The following RBM47 variants were observed in gnomAD, a reference collection of about 807,000 sequenced individuals.
RBM47 encodes RNA binding motif protein 47.
A neutral mutation model predicts 47.1 loss-of-function variants in RBM47; 21 were observed. The ratio of observed to expected loss-of-function variants is 0.45; its 90% CI spans 0.32 to 0.64. The LOEUF is 0.64. Among genes scored for constraint, RBM47 ranks in the 30% least tolerant of loss-of-function variants. RBM47 has a pLI of 0.05. For missense variants in RBM47, 708 were observed against 870.9 expected (o/e 0.81, Z 2.35); for synonymous variants, 375 against 361.7 (o/e 1.04, Z -0.42).
chr4:40,439,339 CTTCTT>C (rs1278498771), intron 3 of RBM47, among the ~76,000 whole-genome samples: 2 of 152,262 alleles, frequency 1.3e-5, no homozygotes, highest in African/African-American at 4.8e-5. Flanking sequence ...ACACAGCTTT[CTTCTT>C]TTCTTTTTTA....
intron 2 of RBM47, among the ~76,000 whole-genome samples, chr4:40,501,114 A>T (rs1361712021): frequency 6.6e-6 from 1 of 152,210 alleles, no homozygotes; most frequent in African/African-American, 2.4e-5. Context: ...TCAGAGTCCA[A>T]ATGCTGCATA....
At chr4:40,459,735 C>A (rs530111135) in intron 3 of RBM47, among the ~76,000 whole-genome samples, 117 of 152,154 alleles carry the variant, frequency 7.7e-4, no homozygotes, top group Non-Finnish European at 1.5e-3. Context: ...GTTGGCATTT[C>A]TTTCTTTCTT....
intron 2 of RBM47, among the ~76,000 whole-genome samples, chr4:40,499,229 C>T (rs1368772155): frequency 6.6e-6 from 1 of 152,102 alleles, no homozygotes; most frequent in Non-Finnish European, 1.5e-5. Context: ...TTAGTACATA[C>T]TTACATGAAG....
chr4:40,423,696 CTTT>C lies in RBM47; in HGVS notation c.*2205_*2207del, dbSNP rs1560337213. 6.3e-5 allele frequency: 6 copies of C among 94,822 alleles called. No individual in the cohort carries two copies. The highest frequency in any genetic ancestry group is 1.1e-4 in the African/African-American group (2 of 17,454). 5.9% of individuals were successfully genotyped at this position (94,822 alleles called of 1,614,324 possible). On this transcript the variant is annotated 3_prime_UTR_variant, in exon 7 of 7. Transcript: ENST00000295971. ...TCTTTCTTTCTTTCTTTCTTTCTTTCTTTCTTTCTTTCTTTCTTTTCTTTCTTT... is the reference window on the plus strand; with the variant it reads ...TCTTTCTTTCTTTCTTTCTTTCTTTCCTTTCTTTCTTTCTTTTCTTTCTTT...
intron 1 of RBM47, among the ~76,000 whole-genome samples, chr4:40,604,453 C>T (rs1351577523): frequency 6.6e-6 from 1 of 152,020 alleles, no homozygotes; most frequent in African/African-American, 2.4e-5. Flanking sequence ...AGCAAAACTC[C>T]ATGTCTAAAA....
chr4:40,592,328 C>T (rs1231489760), intron 1 of RBM47, among the ~76,000 whole-genome samples: 2 of 150,774 alleles, frequency 1.3e-5, no homozygotes, highest in African/African-American at 4.9e-5. Context: ...AATCACAGCT[C>T]ACTGCAGCCT....
intron 1 of RBM47, among the ~76,000 whole-genome samples, chr4:40,589,309 C>T (rs1733904761): frequency 6.6e-6 from 1 of 152,166 alleles, no homozygotes; most frequent in Non-Finnish European, 1.5e-5. Context: ...TCTAAACTTA[C>T]TGTGTAAAAT....
intron 6 of RBM47, among the ~76,000 whole-genome samples, chr4:40,429,758 C>T (rs1163292963): frequency 6.6e-6 from 1 of 150,608 alleles, no homozygotes; most frequent in Admixed American, 6.6e-5. Flanking sequence ...AGTCTTCCCT[C>T]CTGTCAAGGA....
At chr4:40,509,498 T>C (rs575842894) in intron 2 of RBM47, among the ~76,000 whole-genome samples, 82 of 152,216 alleles carry the variant, frequency 5.4e-4, no homozygotes, top group Non-Finnish European at 1.1e-3. Context: ...ACAGTTTGGG[T>C]GGTCTAGGTG....
chr4:40,487,616 CCAGA>C (rs1163586978), intron 2 of RBM47, among the ~76,000 whole-genome samples: 1 of 152,072 alleles, frequency 6.6e-6, no homozygotes, highest in Non-Finnish European at 1.5e-5. Context: ...TTATCAAAAA[CCAGA>C]CAGTCAACTA....
At chr4:40,594,225 C>T (rs538755639) in intron 1 of RBM47, among the ~76,000 whole-genome samples, 1 of 152,204 alleles carries the variant, frequency 6.6e-6, no homozygotes, top group East Asian at 1.9e-4. Flanking sequence ...CTGCTATGGT[C>T]AGGAATATTT....
chr4:40,580,620 C>T (rs748746223), intron 1 of RBM47, among the ~76,000 whole-genome samples: 1 of 152,200 alleles, frequency 6.6e-6, no homozygotes, highest in Non-Finnish European at 1.5e-5. Context: ...CACTGGCAGC[C>T]GCAGCCACCC....
At position 40,525,264 on chromosome 4, in the gene RBM47, C is replaced by T. The variant is rs184954725; in HGVS notation, c.-155+19158G>A. On this transcript the variant is annotated intron_variant, in intron 2 of 6. Coordinates refer to ENST00000295971, the MANE Select transcript of RBM47 (RefSeq NM_001098634.2). Reference sequence around the variant, plus strand: ...ACCAGCCTGGCCAACATGGCGAAACCCTGTCTCTACTAAAAATACGAAAAT... The same window carrying T: ...ACCAGCCTGGCCAACATGGCGAAACTCTGTCTCTACTAAAAATACGAAAAT... Among the ~76,000 whole-genome samples, 10 of 152,204 alleles carry T rather than the reference C, an allele frequency of 6.6e-5. No homozygotes were observed. In the East Asian group the frequency reaches 1.4e-3, roughly 21 times the overall value.
At chr4:40,597,514 G>A (rs1378648107) in intron 1 of RBM47, among the ~76,000 whole-genome samples, 5 of 151,904 alleles carry the variant, frequency 3.3e-5, no homozygotes, top group African/African-American at 4.8e-5. Context: ...CCCAGGAGGC[G>A]GAGGTTGCAG....
At chr4:40,607,501 G>GT (rs1249019188) in intron 1 of RBM47, among the ~76,000 whole-genome samples, 1 of 152,136 alleles carries the variant, frequency 6.6e-6, no homozygotes, top group Admixed American at 6.6e-5. Context: ...GAGCCCAGGA[G>GT]TTTGAGACCA....
intron 3 of RBM47, among the ~76,000 whole-genome samples, chr4:40,444,597 G>C (rs549896951): frequency 1.3e-5 from 2 of 151,964 alleles, no homozygotes; most frequent in South Asian, 4.2e-4. Flanking sequence ...CTTAGATTCT[G>C]CTTGCTACGT....
intron 1 of RBM47, among the ~76,000 whole-genome samples, chr4:40,596,205 G>A (rs1173078669): frequency 6.6e-6 from 1 of 152,158 alleles, no homozygotes; most frequent in Non-Finnish European, 1.5e-5. Context: ...GACATGAGGT[G>A]GGAAAAGGAA....
chr4:40,458,483 T>C (rs1353626144), intron 3 of RBM47, among the ~76,000 whole-genome samples: 1 of 152,206 alleles, frequency 6.6e-6, no homozygotes, highest in African/African-American at 2.4e-5. Context: ...ATTGAAAAAG[T>C]CATGAGTTAA....
chr4:40,550,710 C>T (rs529990016), intron 1 of RBM47, among the ~76,000 whole-genome samples: 25 of 152,166 alleles, frequency 1.6e-4, no homozygotes, highest in East Asian at 1.2e-3. Flanking sequence ...TGAGCCACCG[C>T]GCCTGGCCCT....
Sources: gnomAD v4.1 joint callset for allele counts (sites outside exome capture counted in the v4.1 genomes callset) on GRCh38, gnomAD v4.1.1 for gene constraint, MANE v1.5 for transcripts, NCBI Gene and HGNC (gene_info 2026-07-23, HGNC 2026-07-21) for gene names.